The following EFCAB6 variants were observed in gnomAD, a reference collection of about 807,000 sequenced individuals.
EFCAB6 encodes the protein EF-hand calcium binding domain 6, also known as EF-hand calcium-binding domain-containing protein 6.
EFCAB6 carries 156 observed loss-of-function variants against 169.8 expected under a neutral mutation model. That is an observed-to-expected ratio of 0.92 (90% CI 0.81 to 1.05). The LOEUF (loss-of-function observed/expected upper bound fraction) is 1.05. Among genes scored for constraint, EFCAB6 ranks in the 50% least tolerant of loss-of-function variants. The pLI is 0.00. For synonymous variants in EFCAB6, 698 were observed against 676.4 expected, an observed-to-expected ratio of 1.03 and a Z score of -0.50; for missense variants, 1,800 against 1,829.1, an observed-to-expected ratio of 0.98 and a Z score of 0.29.
At chr22:43,602,835 C>A (rs1423718721) in intron 22 of EFCAB6, among the ~76,000 whole-genome samples, 1 of 152,044 alleles carries the variant, frequency 6.6e-6, no homozygotes, top group Non-Finnish European at 1.5e-5. Context: ...CGGGTTAGTG[C>A]ATTTGCGGAT....
At chr22:43,580,076 T>C (rs530267992) in intron 25 of EFCAB6, among the ~76,000 whole-genome samples, 12 of 152,194 alleles carry the variant, frequency 7.9e-5, no homozygotes, top group Non-Finnish European at 1.5e-4. Context: ...ATGAAGTCTC[T>C]GTGCCACAAC....
At chr22:43,676,029 T>A (rs2057741105) in intron 13 of EFCAB6, among the ~76,000 whole-genome samples, 1 of 151,814 alleles carries the variant, frequency 6.6e-6, no homozygotes, top group Non-Finnish European at 1.5e-5. Context: ...CCACTGAAAA[T>A]CTTATTTATG....
At chr22:43,712,338 A>T (rs75446674) in intron 9 of EFCAB6, among the ~76,000 whole-genome samples, 2 of 151,908 alleles carry the variant, frequency 1.3e-5, no homozygotes, top group African/African-American at 4.8e-5. Context: ...TCTGAATTCA[A>T]TTTTTTCCTG....
chr22:43,621,091 T>A (rs1039852113), intron 20 of EFCAB6, among the ~76,000 whole-genome samples: 1 of 34,690 alleles, frequency 2.9e-5, no homozygotes, highest in Non-Finnish European at 5.4e-5. Context: ...ACTATGCAAT[T>A]TTTTTTTTTT....
chr22:43,762,665 T>C (rs768922157), intron 5 of EFCAB6, among the ~76,000 whole-genome samples: 2 of 152,200 alleles, frequency 1.3e-5, no homozygotes, highest in African/African-American at 4.8e-5. Context: ...AAATCAGAAA[T>C]CTTTCAAAGT....
At chr22:43,660,459 C>A (rs1298171894) in intron 17 of EFCAB6, among the ~76,000 whole-genome samples, 4 of 152,068 alleles carry the variant, frequency 2.6e-5, no homozygotes, top group African/African-American at 9.7e-5. Context: ...CATAGGAACA[C>A]AACCTTGTTT....
rs62226080 is a variant in EFCAB6, at chr22:43,725,605, C to T, written c.757+6094G>A. Among the ~76,000 whole-genome samples, 599 of 152,290 alleles carry T rather than the reference C, an allele frequency of 3.9e-3. 4 individuals carry two copies. Among genetic ancestry groups the T allele is most frequent in the Non-Finnish European group, 7.0e-3 (474 of 68,012 alleles). Reference sequence around the variant, plus strand: ...GTTTTGGAGGGGGCTAACATTGAAACCATAACACCAACCCAGAAAGAATAT... The same window carrying T: ...GTTTTGGAGGGGGCTAACATTGAAATCATAACACCAACCCAGAAAGAATAT... On this transcript the variant is annotated intron_variant, in intron 8 of 31. Transcript: ENST00000262726.
chr22:43,785,418 CAA>C (rs143690667), intron 2 of EFCAB6, among the ~76,000 whole-genome samples: 13 of 148,392 alleles, frequency 8.8e-5, no homozygotes, highest in African/African-American at 2.5e-4. Flanking sequence ...ACCAATGAGT[CAA>C]AAAAAAAATC....
intron 20 of EFCAB6, among the ~76,000 whole-genome samples, chr22:43,618,182 G>GAAAGAAAGAA (rs2053852127): frequency 7.7e-6 from 1 of 130,332 alleles, no homozygotes; most frequent in African/African-American, 2.7e-5. Context: ...AAGAAAGAAA[G>GAAAGAAAGAA]AAAGAAAGAA....
chr22:43,556,068 T>C (rs2048688279), intron 26 of EFCAB6, among the ~76,000 whole-genome samples: 1 of 152,040 alleles, frequency 6.6e-6, no homozygotes, highest in Admixed American at 6.5e-5. Flanking sequence ...ATGATGACAA[T>C]TGCAAGGGGC....
At chr22:43,680,757 C>G (rs532049212) in intron 12 of EFCAB6, among the ~76,000 whole-genome samples, 1 of 152,156 alleles carries the variant, frequency 6.6e-6, no homozygotes, top group Non-Finnish European at 1.5e-5. Flanking sequence ...TTGCTCATAG[C>G]TAGTTTATAG....
rs866756159 is a variant in EFCAB6, at chr22:43,793,670, C to G, written c.-7-11345G>C. Among the ~76,000 whole-genome samples, 462 of 148,034 alleles carry G rather than the reference C, an allele frequency of 3.1e-3. 2 individuals carry two copies. Among genetic ancestry groups the G allele is most frequent in the African/African-American group, 0.011 (440 of 40,164 alleles). ...TGTAGCCTGGAGAAATTCAGCATTG[C>G]TCTGTGGGGTACCTGTCTGACTAGA... On this transcript the variant is annotated intron_variant, in intron 2 of 31. Coordinates refer to ENST00000262726, the MANE Select transcript of EFCAB6 (RefSeq NM_022785.4).
intron 2 of EFCAB6, among the ~76,000 whole-genome samples, chr22:43,783,296 G>A (rs1482429496): frequency 6.6e-6 from 1 of 152,214 alleles, no homozygotes; most frequent in Non-Finnish European, 1.5e-5. Context: ...TGGGGAATGA[G>A]ATGTCGATAG....
chr22:43,662,608 G>A (rs1176519575), intron 17 of EFCAB6, among the ~76,000 whole-genome samples: 1 of 152,168 alleles, frequency 6.6e-6, no homozygotes, highest in East Asian at 1.9e-4. Context: ...CAAGATGTAG[G>A]GGAAGAGGAG....
intron 8 of EFCAB6, among the ~76,000 whole-genome samples, chr22:43,723,627 G>C (rs577952673): frequency 6.6e-6 from 1 of 152,208 alleles, no homozygotes; most frequent in Admixed American, 6.5e-5. Context: ...CAAAGGTGGA[G>C]CCCACTCTGC....
chr22:43,777,033 G>T (rs1034147720), intron 3 of EFCAB6, among the ~76,000 whole-genome samples: 1 of 152,212 alleles, frequency 6.6e-6, no homozygotes, highest in Non-Finnish European at 1.5e-5. Flanking sequence ...TAGACAAAAA[G>T]TAGACAGATA....
intron 10 of EFCAB6, among the ~76,000 whole-genome samples, chr22:43,700,533 A>T (rs2147267476): frequency 6.6e-6 from 1 of 152,324 alleles, no homozygotes; most frequent in Admixed American, 6.5e-5. Context: ...CAGTTGTATG[A>T]GTTTAACACA....
chr22:43,663,018 A>C (rs1245416392), intron 17 of EFCAB6, among the ~76,000 whole-genome samples: 3 of 152,220 alleles, frequency 2.0e-5, no homozygotes, highest in African/African-American at 7.2e-5. Context: ...CTTGTTTGTG[A>C]AATGTGTATA....
At chr22:43,623,712 A>G (rs77020130) in intron 20 of EFCAB6, among the ~76,000 whole-genome samples, 31,385 of 143,180 alleles carry the variant, frequency 0.22, 3,708 homozygotes, top group Middle Eastern at 0.3. Flanking sequence ...TGGCTAACAT[A>G]GTGAAACCCC....
Sources: gnomAD v4.1 joint callset for allele counts (sites outside exome capture counted in the v4.1 genomes callset) on GRCh38, gnomAD v4.1.1 for gene constraint, MANE v1.5 for transcripts, NCBI Gene and HGNC (gene_info 2026-07-23, HGNC 2026-07-21) for gene names.